CRAMP1: variants seen among roughly 807,000 people sequenced by gnomAD.
CRAMP1 encodes the protein protein cramped-like.
CRAMP1 carries 50 observed loss-of-function variants against 115.4 expected under a neutral mutation model. That is an observed-to-expected ratio of 0.43 (90% CI 0.35 to 0.55). CRAMP1 has a LOEUF of 0.55. Among genes scored for constraint, CRAMP1 ranks in the 20% least tolerant of loss-of-function variants. The pLI, the probability that CRAMP1 is intolerant of heterozygous loss-of-function variation, is 0.01. For missense variants in CRAMP1, 1,679 were observed against 1,721.7 expected (o/e 0.98, Z 0.44); for synonymous variants, 866 against 745.4 (o/e 1.16, Z -2.64).
intron 6 of CRAMP1, among the ~76,000 whole-genome samples, chr16:1,646,083 C>T (rs1355445312): frequency 1.3e-5 from 2 of 152,188 alleles, no homozygotes; most frequent in East Asian, 3.9e-4. Context: ...GAGGCTCTTC[C>T]GTGTTGACTT....
intron 13 of CRAMP1, among the ~76,000 whole-genome samples, chr16:1,663,646 A>C (rs1337170723): frequency 6.6e-6 from 1 of 152,134 alleles, no homozygotes; most frequent in Non-Finnish European, 1.5e-5. Flanking sequence ...CAGTGGTCAC[A>C]AGGTGTACGA....
intron 2 of CRAMP1, among the ~76,000 whole-genome samples, chr16:1,625,099 A>T (rs1380422316): frequency 6.6e-6 from 1 of 152,170 alleles, no homozygotes; most frequent in African/African-American, 2.4e-5. Context: ...CTGCAGTTCC[A>T]TAAAAAGAGA....
intron 6 of CRAMP1, among the ~76,000 whole-genome samples, chr16:1,651,259 G>A (rs555219484): frequency 6.6e-6 from 1 of 151,568 alleles, no homozygotes; most frequent in East Asian, 2.0e-4. Context: ...AGGTCACACG[G>A]TGGACTGAGA....
At chr16:1,653,218 G>A in intron 8 of CRAMP1, 62 bp downstream of exon 8, 1 of 1,558,952 alleles carries the variant, frequency 6.4e-7, no homozygotes, top group Non-Finnish European at 8.7e-7. Flanking sequence ...GAAGCAACGT[G>A]TGTGAGTTTC....
rs148831230 is a variant in CRAMP1 at position 1,615,402 on chromosome 16, A to G, written c.346+417A>G. Among the ~76,000 whole-genome samples the G allele has an allele frequency of 6.8e-3, 1,030 of 152,314 alleles. 9 individuals are homozygous for G. Among genetic ancestry groups the G allele is most frequent in the African/African-American group, 0.023 (954 of 41,554 alleles). On this transcript the variant is annotated intron_variant, in intron 2 of 20. Transcript: ENST00000397412. ...CCAAGGGAGCAGGCTTTTGAAACTCATTGGGGGGAAGATGGGTAAGAAGCG... is the reference window on the plus strand; with the variant it reads ...CCAAGGGAGCAGGCTTTTGAAACTCGTTGGGGGGAAGATGGGTAAGAAGCG...
chr16:1,644,456 A>G (rs958123473), intron 6 of CRAMP1, among the ~76,000 whole-genome samples: 10 of 152,178 alleles, frequency 6.6e-5, no homozygotes, highest in African/African-American at 2.4e-4. Context: ...ATGCATGTCC[A>G]TTGAACAGGT....
At chr16:1,630,681 A>G (rs772794574) in intron 3 of CRAMP1, among the ~76,000 whole-genome samples, 15 of 152,024 alleles carry the variant, frequency 9.9e-5, no homozygotes, top group Non-Finnish European at 1.9e-4. Context: ...CAAACTCCTC[A>G]GTCTCTTGTA....
At chr16:1,665,270 C>A in intron 14 of CRAMP1, 132 bp downstream of exon 14, 1 of 689,692 alleles carries the variant, frequency 1.4e-6, no homozygotes. Flanking sequence ...CCGACAAATA[C>A]CTAATGTGCC....
At chr16:1,619,876 C>G (rs959914917) in intron 2 of CRAMP1, among the ~76,000 whole-genome samples, 7 of 152,130 alleles carry the variant, frequency 4.6e-5, no homozygotes, top group African/African-American at 1.7e-4. Flanking sequence ...GTCTGGCGAC[C>G]CTGACCAGGG....
chr16:1,670,520 C>T (rs1353925329), intron 19 of CRAMP1, 144 bp from the exon 20 acceptor site: 5 of 807,560 alleles, frequency 6.2e-6, no homozygotes, highest in East Asian at 4.9e-5. Flanking sequence ...TTGAGTCCCT[C>T]GGAAGCTCTT....
rs2036877245 is a variant in CRAMP1, at chr16:1,666,487, A to G, written c.2923A>G (p.Thr975Ala). The change falls in exon 16 of 21, where the codon ACC becomes GCC. Residue 975 changes from threonine (T) to alanine (A), a missense_variant. Coordinates refer to ENST00000397412, the MANE Select transcript of CRAMP1 (RefSeq NM_020825.4). The surrounding 1 kb of genome is among the most constrained non-coding windows in gnomAD (Gnocchi z 5.0). ...LSGNPLPALD[T>A]EGLSGISPLS... ...CGGGAACCCCCTCCCTGCCTTGGACACCGAGGGCTTGTCTGGCATCTCTCC... is the reference window on the plus strand; with the variant it reads ...CGGGAACCCCCTCCCTGCCTTGGACGCCGAGGGCTTGTCTGGCATCTCTCC... The G allele has an allele frequency of 6.2e-7, 1 of 1,613,662 alleles. No individual in the cohort carries two copies. Among genetic ancestry groups the G allele is most frequent in the African/African-American group, 1.3e-5 (1 of 74,862 alleles).
rs1445457686 is a variant in CRAMP1, at chr16:1,666,087, C to T, written c.2767C>T (p.Arg923Trp). Residue 923 changes from arginine (R) to tryptophan (W), a missense_variant, in exon 15 of 21, where the codon CGG (arginine) becomes TGG (tryptophan). This residue lies in a region of CRAMP1 where 709 missense variants were observed against 741.9 expected (regional missense o/e 0.96). Transcript: ENST00000397412. This position sits in a 1 kb window ranked among gnomAD's most constrained non-coding sequence, Gnocchi z 5.0. ...CGCCCTCGCAGGGAGAGGTTCGTTC[C>T]GGCCCATCCAGTCTTCTCTGACCAA... The part of the protein sequence containing the change: ...NSSVTGRGSF[R>W]PIQSSLTKAA... The T allele has an allele frequency of 4.3e-6, 7 of 1,609,976 alleles. No individual in the cohort carries two copies. Among genetic ancestry groups the T allele is most frequent in the Non-Finnish European group, 4.2e-6 (5 of 1,178,366 alleles).
rs546656650 is a variant in CRAMP1 at position 1,635,190 on chromosome 16, G to A, written c.695-2634G>A. ...AAGGATTACAGGCGTGAGCCACCAC[G>A]CCTGGCCTGTGCTTTGGAGTTTTGA... On this transcript the variant is annotated intron_variant, in intron 4 of 20. Transcript: ENST00000397412. Among the ~76,000 whole-genome samples the A allele has an allele frequency of 1.3e-4, 20 of 152,278 alleles. No individual in the cohort carries two copies. The South Asian group carries it at 3.7e-3, about 28-fold the overall frequency.
intron 3 of CRAMP1, 48 bp downstream of exon 3, chr16:1,626,214 G>A (rs975914876): frequency 7.8e-6 from 11 of 1,416,830 alleles, no homozygotes; most frequent in Non-Finnish European, 1.0e-5. Flanking sequence ...CGTCCCTCTC[G>A]GATCCCTGCC....
At chr16:1,620,214 G>T (rs1255716435) in intron 2 of CRAMP1, among the ~76,000 whole-genome samples, 1 of 152,218 alleles carries the variant, frequency 6.6e-6, no homozygotes, top group Admixed American at 6.5e-5. Context: ...GGCACGGAAT[G>T]CCTCAGGAGA....
intron 6 of CRAMP1, among the ~76,000 whole-genome samples, chr16:1,649,968 A>G (rs1017133665): frequency 1.1e-4 from 16 of 150,946 alleles, no homozygotes; most frequent in Non-Finnish European, 1.8e-4. Flanking sequence ...TAATTTTTGT[A>G]TTTTTTGTAG....
At chr16:1,652,428 G>A (rs8047492) in intron 6 of CRAMP1, 68 bp from the exon 7 acceptor site, 20 of 1,411,172 alleles carry the variant, frequency 1.4e-5, no homozygotes, top group Middle Eastern at 1.9e-4. Context: ...GCGCCTCTCC[G>A]TGTGCTGGCC....
chr16:1,667,673 GGGA>G (rs2036887713), intron 17 of CRAMP1, among the ~76,000 whole-genome samples: 1 of 152,200 alleles, frequency 6.6e-6, no homozygotes, highest in Non-Finnish European at 1.5e-5. Context: ...TCAGCTTTCT[GGGA>G]GGAGGAGGCT....
chr16:1,626,151 C>T lies in CRAMP1; in HGVS notation c.525C>T (p.Phe175=), dbSNP rs896702203. 2.8e-5 allele frequency: 42 copies of T among 1,522,464 alleles called. No individual in the cohort carries two copies. Among genetic ancestry groups the T allele is most frequent in the Middle Eastern group, 1.7e-4 (1 of 5,872 alleles). The allele number at this position is 1,522,464 out of a possible 1,614,324, so 94.3% of individuals were successfully genotyped here. ...GCACAGAGGACAAGAACACCTTCTT[C>T]GAGGGGCTGTACGAGGTGAGTAGGC... ...SWSTEDKNTF[F]EGLYEHGKDF... The change falls in exon 3 of 21, where the codon TTC becomes TTT. Residue 175 remains phenylalanine (F), a synonymous_variant. Coordinates refer to ENST00000397412, the MANE Select transcript of CRAMP1 (RefSeq NM_020825.4).
Sources: gnomAD v4.1 joint callset for allele counts (sites outside exome capture counted in the v4.1 genomes callset) on GRCh38, gnomAD v4.1.1 for gene constraint, gnomAD v4.1.1 regional missense constraint, Gnocchi (gnomAD v3.1) non-coding constraint, MANE v1.5 for transcripts, NCBI Gene and HGNC (gene_info 2026-07-23, HGNC 2026-07-21) for gene names.